The following IRAK1BP1 variants were observed in gnomAD, a reference collection of about 807,000 sequenced individuals.
The protein encoded by IRAK1BP1 is interleukin 1 receptor associated kinase 1 binding protein 1.
IRAK1BP1 carries 24 observed loss-of-function variants against 28.0 expected under a neutral mutation model. The ratio of observed to expected loss-of-function variants is 0.86; its 90% CI spans 0.62 to 1.20. IRAK1BP1 has a LOEUF of 1.20. Among genes scored for constraint, IRAK1BP1 ranks in the 50% most tolerant of loss-of-function variants. The probability of loss-of-function intolerance (pLI) is 0.00; values close to 1 mark genes in which losing one functional copy is unlikely to be tolerated. For synonymous variants in IRAK1BP1, 131 were observed against 116.3 expected (o/e 1.13, Z -0.81); for missense variants, 336 against 316.7 (o/e 1.06, Z -0.46).
At chr6:78,970,014 C>T in the IRAK1BP1 span, 2 of 1,608,826 alleles carry the variant, frequency 1.2e-6, no homozygotes, top group Non-Finnish European at 1.7e-6. Context: ...ATCTACAATA[C>T]TAAGAAAACC....
intron 1 of IRAK1BP1, among the ~76,000 whole-genome samples, chr6:78,869,038 A>G (rs1581983469): frequency 6.6e-6 from 1 of 152,250 alleles, no homozygotes; most frequent in African/African-American, 2.4e-5. Flanking sequence ...CATTTGGACA[A>G]GATTTCTTCA....
the IRAK1BP1 span, among the ~76,000 whole-genome samples, chr6:78,968,438 T>C: frequency 6.6e-6 from 1 of 152,080 alleles, no homozygotes; most frequent in Non-Finnish European, 1.5e-5. Context: ...GAAAATACAG[T>C]ATTAGTGGGA....
intron 2 of IRAK1BP1, among the ~76,000 whole-genome samples, chr6:78,896,736 G>A (rs1428893737): frequency 6.6e-6 from 1 of 151,610 alleles, no homozygotes; most frequent in African/African-American, 2.4e-5. Context: ...GAGGCAGGAG[G>A]ATCATCTGAA....
the IRAK1BP1 span, chr6:78,970,925 G>A: frequency 7.1e-7 from 1 of 1,411,560 alleles, no homozygotes; most frequent in Non-Finnish European, 9.8e-7. Flanking sequence ...ACCTGGATGT[G>A]TTTCCTTTAA....
At chr6:78,881,043 C>T (rs761750673) in intron 1 of IRAK1BP1, among the ~76,000 whole-genome samples, 2 of 152,044 alleles carry the variant, frequency 1.3e-5, no homozygotes, top group Non-Finnish European at 2.9e-5. Context: ...GAATTGAAAA[C>T]GTAAGTACAT....
downstream of IRAK1BP1, chr6:78,946,701 A>C (rs377707990): frequency 5.9e-6 from 9 of 1,535,250 alleles, no homozygotes; most frequent in Non-Finnish European, 7.8e-6. Flanking sequence ...ATTTAAAAGA[A>C]ATTAAATACC....
intron 2 of IRAK1BP1, among the ~76,000 whole-genome samples, chr6:78,892,672 T>A (rs1025913569): frequency 6.6e-6 from 1 of 152,190 alleles, no homozygotes; most frequent in Non-Finnish European, 1.5e-5. Context: ...CATTAAAAGT[T>A]ATTTTGGCTG....
At chr6:78,926,709 T>C (rs1445909179) in intron 4 of IRAK1BP1, among the ~76,000 whole-genome samples, 1 of 152,138 alleles carries the variant, frequency 6.6e-6, no homozygotes, top group East Asian at 1.9e-4. Context: ...ACTACATTTC[T>C]CAGCCTCTGA....
At chr6:78,946,504 G>A, downstream of IRAK1BP1, 1 of 1,393,110 alleles carries the variant, frequency 7.2e-7, no homozygotes, top group Non-Finnish European at 9.3e-7. Context: ...CTGTTTTACT[G>A]TATAGATTTA....
Position 78,891,331 on chromosome 6 carries a change from G to T in IRAK1BP1, c.381+5888G>T, listed in dbSNP as rs9448589. The stretch of plus-strand genomic sequence containing the variant: ...ATTTTAAAAAAAGGTTCTAAGTGAT[G>T]ACTTTAATGGTAGGTGAATGAATGG... On this transcript the variant is annotated intron_variant, in intron 2 of 3. Coordinates refer to ENST00000369940, the MANE Select transcript of IRAK1BP1 (RefSeq NM_001010844.4). Among the ~76,000 whole-genome samples the T allele has an allele frequency of 5.0e-3, 769 of 152,296 alleles. 11 individuals carry two copies. The highest frequency in any genetic ancestry group is 0.017 in the African/African-American group (727 of 41,562).
intron 4 of IRAK1BP1, among the ~76,000 whole-genome samples, chr6:78,942,946 A>T (rs149521183): frequency 1.1e-4 from 17 of 152,348 alleles, no homozygotes; most frequent in African/African-American, 2.2e-4. Context: ...GAAGTTTTTT[A>T]AAAAAGTTTA....
chr6:78,893,405 C>G (rs1771756495), intron 2 of IRAK1BP1, among the ~76,000 whole-genome samples: 3 of 142,226 alleles, frequency 2.1e-5, no homozygotes, highest in South Asian at 2.3e-4. Context: ...AAACAAAGAC[C>G]AATTAAAGAC....
intron 1 of IRAK1BP1, 123 bp downstream of exon 1, chr6:78,868,014 G>C (rs1770649223): frequency 1.9e-6 from 2 of 1,062,750 alleles, no homozygotes; most frequent in Non-Finnish European, 2.7e-6. Flanking sequence ...TTTAGGACGC[G>C]TTTGTTGCAA....
At chr6:78,971,864 G>A in the IRAK1BP1 span, among the ~76,000 whole-genome samples, 1 of 152,206 alleles carries the variant, frequency 6.6e-6, no homozygotes, top group Non-Finnish European at 1.5e-5. Flanking sequence ...CCCGCACCTG[G>A]CTCGGAGGGT....
At chr6:78,979,237 A>G in the IRAK1BP1 span, among the ~76,000 whole-genome samples, 1 of 152,038 alleles carries the variant, frequency 6.6e-6, no homozygotes, top group African/African-American at 2.4e-5. Flanking sequence ...GAGTTATTCA[A>G]TCTCTCCAAA....
chr6:78,923,592 C>T (rs1050070940), intron 4 of IRAK1BP1, among the ~76,000 whole-genome samples: 2 of 152,164 alleles, frequency 1.3e-5, no homozygotes, highest in Non-Finnish European at 2.9e-5. Flanking sequence ...CAGAACTCTC[C>T]ACCTCAAATC....
chr6:78,945,270 G>A (rs778673906), intron 4 of IRAK1BP1: 4 of 1,436,468 alleles, frequency 2.8e-6, no homozygotes, highest in Admixed American at 3.4e-5. Flanking sequence ...AGGATCTACT[G>A]TATCTTGAAA....
downstream of IRAK1BP1, chr6:78,946,637 T>C: frequency 6.8e-7 from 1 of 1,471,366 alleles, no homozygotes; most frequent in Non-Finnish European, 8.9e-7. Context: ...AAAGGAAGTA[T>C]TAAAAAACAC....
intron 4 of IRAK1BP1, among the ~76,000 whole-genome samples, chr6:78,918,578 T>TAAAAAAAAAAAAAAAA (rs58669467): frequency 1.6e-4 from 11 of 66,784 alleles, no homozygotes; most frequent in African/African-American, 3.0e-4. Context: ...CCAAAAACAG[T>TAAAAAAAAAAAAAAAA]AAAAAAAAAA....
Sources: allele counts gnomAD v4.1 joint callset (sites outside exome capture counted in the v4.1 genomes callset), GRCh38; gene constraint gnomAD v4.1.1; transcripts MANE v1.5; gene names NCBI Gene and HGNC (gene_info 2026-07-23, HGNC 2026-07-21).